Variants in GALNTL6 observed in about 807,000 individuals in gnomAD.
GALNTL6 encodes the protein polypeptide N-acetylgalactosaminyltransferase like 6.
A neutral mutation model predicts 73.7 loss-of-function variants in GALNTL6; 46 were observed. That is an observed-to-expected ratio of 0.62 (90% CI 0.49 to 0.80). GALNTL6 has a LOEUF of 0.80. Ranked by LOEUF, GALNTL6 falls within the 30% of genes least tolerant of loss-of-function variation. The pLI is 0.00. For missense variants in GALNTL6, 604 were observed against 755.0 expected, an observed-to-expected ratio of 0.80 and a Z score of 2.34; for synonymous variants, 259 against 263.7, an observed-to-expected ratio of 0.98 and a Z score of 0.17.
intron 2 of GALNTL6, among the ~76,000 whole-genome samples, chr4:171,866,641 A>C (rs2110887554): frequency 6.6e-6 from 1 of 152,340 alleles, no homozygotes; most frequent in East Asian, 1.9e-4. Context: ...AAACAACAGA[A>C]ATTTATTTCT....
chr4:172,531,345 T>C (rs1735163027), intron 5 of GALNTL6, among the ~76,000 whole-genome samples: 1 of 152,174 alleles, frequency 6.6e-6, no homozygotes, highest in African/African-American at 2.4e-5. Context: ...AAAACTAGAA[T>C]TTTCTCCAAG....
intron 5 of GALNTL6, among the ~76,000 whole-genome samples, chr4:172,757,960 T>C (rs2110810389): frequency 6.6e-6 from 1 of 152,334 alleles, no homozygotes; most frequent in South Asian, 2.1e-4. Context: ...AGTTCTATAG[T>C]GGTGTTTTGG....
chr4:171,902,726 C>T (rs974786584), intron 2 of GALNTL6, among the ~76,000 whole-genome samples: 3 of 152,104 alleles, frequency 2.0e-5, no homozygotes, highest in Non-Finnish European at 2.9e-5. Flanking sequence ...TCTTGTAGGA[C>T]TTCTATTCAC....
chr4:172,396,865 A>C (rs753730759), intron 5 of GALNTL6, among the ~76,000 whole-genome samples: 24 of 152,338 alleles, frequency 1.6e-4, no homozygotes, highest in Non-Finnish European at 1.0e-4. Context: ...CATCCAGTAC[A>C]TTTTGTTTGC....
chr4:172,302,383 C>T (rs1739965606), intron 3 of GALNTL6, among the ~76,000 whole-genome samples: 5 of 152,162 alleles, frequency 3.3e-5, no homozygotes. Flanking sequence ...GTTCTTCCCC[C>T]ACTGTCCGAC....
chr4:172,512,570 G>T (rs1381252455), intron 5 of GALNTL6, among the ~76,000 whole-genome samples: 2 of 151,860 alleles, frequency 1.3e-5, no homozygotes, highest in East Asian at 1.9e-4. Context: ...GTTCTATTTT[G>T]GTGTATTTTG....
chr4:172,278,042 A>C (rs1310972887), intron 3 of GALNTL6, among the ~76,000 whole-genome samples: 2 of 152,098 alleles, frequency 1.3e-5, no homozygotes, highest in African/African-American at 4.8e-5. Context: ...ATTTCTCTCT[A>C]TATTTTAAAA....
At chr4:172,931,298 G>C (rs1189471648) in intron 9 of GALNTL6, 30 bp downstream of exon 9, 1 of 1,271,014 alleles carries the variant, frequency 7.9e-7, no homozygotes, top group Non-Finnish European at 1.2e-6. Context: ...AACAGACTGG[G>C]GTTGATATGG....
At chr4:171,971,232 C>G (rs573704338) in intron 2 of GALNTL6, among the ~76,000 whole-genome samples, 1 of 152,150 alleles carries the variant, frequency 6.6e-6, no homozygotes, top group African/African-American at 2.4e-5. Context: ...ATTCCCGATC[C>G]TCCCACTCCC....
At chr4:171,906,798 C>G (rs867315014) in intron 2 of GALNTL6, among the ~76,000 whole-genome samples, 5,226 of 151,652 alleles carry the variant, frequency 0.034, 273 homozygotes, top group African/African-American at 0.12. Flanking sequence ...TATCCACCAT[C>G]ATCAAGTGGG....
intron 5 of GALNTL6, among the ~76,000 whole-genome samples, chr4:172,578,903 T>A (rs1737060044): frequency 6.6e-6 from 1 of 152,142 alleles, no homozygotes; most frequent in African/African-American, 2.4e-5. Context: ...TTTTGCAACA[T>A]GGTGAGTAAA....
At chr4:172,800,242 A>C (rs972082949) in intron 5 of GALNTL6, among the ~76,000 whole-genome samples, 5 of 152,298 alleles carry the variant, frequency 3.3e-5, no homozygotes, top group Admixed American at 1.3e-4. Context: ...AAGAAGGCGA[A>C]TTTTATATTA....
intron 2 of GALNTL6, among the ~76,000 whole-genome samples, chr4:171,966,782 T>C (rs1318427595): frequency 1.4e-4 from 22 of 152,148 alleles, no homozygotes; most frequent in Admixed American, 1.4e-3. Context: ...CTCTTTCTAT[T>C]GTGTTATTAC....
intron 5 of GALNTL6, among the ~76,000 whole-genome samples, chr4:172,646,462 GTGA>G (rs1472420710): frequency 6.6e-6 from 1 of 151,942 alleles, no homozygotes; most frequent in Non-Finnish European, 1.5e-5. Flanking sequence ...TAAAAATATT[GTGA>G]ATGTTGTTTT....
chr4:172,884,526 T>C (rs1441632613), intron 8 of GALNTL6, among the ~76,000 whole-genome samples: 1 of 152,200 alleles, frequency 6.6e-6, no homozygotes, highest in African/African-American at 2.4e-5. Flanking sequence ...TTATTATTTC[T>C]TTGTCAGATA....
At chr4:171,826,345 G>A (rs1407434700) in intron 2 of GALNTL6, among the ~76,000 whole-genome samples, 1 of 152,070 alleles carries the variant, frequency 6.6e-6, no homozygotes, top group Non-Finnish European at 1.5e-5. Context: ...CTGTTACTAT[G>A]GAAAAACATC....
chr4:171,980,763 C>T (rs1221635607), intron 2 of GALNTL6, among the ~76,000 whole-genome samples: 1 of 152,158 alleles, frequency 6.6e-6, no homozygotes, highest in Non-Finnish European at 1.5e-5. Context: ...GAAGGAAAAA[C>T]ACTTTGAACA....
intron 5 of GALNTL6, among the ~76,000 whole-genome samples, chr4:172,745,801 G>A (rs1167225263): frequency 6.6e-6 from 1 of 152,050 alleles, no homozygotes; most frequent in Admixed American, 6.6e-5. Flanking sequence ...ATACTTTTCA[G>A]TAAATTATTC....
chr4:171,835,309 T>C (rs952754430), intron 2 of GALNTL6, among the ~76,000 whole-genome samples: 1 of 152,020 alleles, frequency 6.6e-6, no homozygotes, highest in African/African-American at 2.4e-5. Context: ...TGTGTATGTA[T>C]ATGTGTCTCC....
Sources: allele counts gnomAD v4.1 joint callset (sites outside exome capture counted in the v4.1 genomes callset), GRCh38; gene constraint gnomAD v4.1.1; transcripts MANE v1.5; gene names NCBI Gene and HGNC (gene_info 2026-07-23, HGNC 2026-07-21).